The following PHLDB2 variants were observed in gnomAD, a reference collection of about 807,000 sequenced individuals.
PHLDB2 encodes the protein pleckstrin homology-like domain family B member 2.
A neutral mutation model predicts 123.6 loss-of-function variants in PHLDB2; 71 were observed. The observed-to-expected ratio is 0.57, with a 90% CI of 0.47 to 0.70. PHLDB2 has a LOEUF of 0.70. Ranked by LOEUF, PHLDB2 falls within the 30% of genes least tolerant of loss-of-function variation. The pLI, the probability that PHLDB2 is intolerant of heterozygous loss-of-function variation, is 0.00. For missense variants in PHLDB2, 1,446 were observed against 1,519.5 expected, an observed-to-expected ratio of 0.95 and a Z score of 0.80; for synonymous variants, 547 against 541.6, an observed-to-expected ratio of 1.01 and a Z score of -0.14.
intron 2 of PHLDB2, among the ~76,000 whole-genome samples, chr3:111,912,131 A>G (rs529138287): frequency 5.2e-4 from 79 of 152,290 alleles, no homozygotes; most frequent in Middle Eastern, 3.4e-3. Context: ...TTTTGTTTTT[A>G]GTTCTTTTTT....
intron 1 of PHLDB2, among the ~76,000 whole-genome samples, chr3:111,769,949 A>C (rs1032536884): frequency 3.9e-5 from 6 of 152,274 alleles, no homozygotes; most frequent in African/African-American, 1.2e-4. Context: ...TAGATAAATT[A>C]ACCCATAGAA....
chr3:111,967,837 A>G lies in PHLDB2; in HGVS notation c.3315+13A>G. 2 of 1,600,662 alleles carry G rather than the reference A, an allele frequency of 1.2e-6. No homozygotes were observed. The highest frequency in any genetic ancestry group is 1.8e-5 in the Admixed American group (1 of 56,936). On this transcript the variant is annotated intron_variant, in intron 15 of 17. Coordinates refer to ENST00000431670, the MANE Select transcript of PHLDB2 (RefSeq NM_001134438.2). Reference sequence around the variant, plus strand: ...ACAAAGGGCACAGGTTGGTCGGTCAATCTGAATGCATATGGGCAGGTTGCC... The same window carrying G: ...ACAAAGGGCACAGGTTGGTCGGTCAGTCTGAATGCATATGGGCAGGTTGCC...
chr3:111,811,052 A>G (rs2061815655), intron 1 of PHLDB2, among the ~76,000 whole-genome samples: 2 of 152,182 alleles, frequency 1.3e-5, no homozygotes, highest in African/African-American at 4.8e-5. Flanking sequence ...TAAACAGGAT[A>G]ATCTGTAAGC....
intron 8 of PHLDB2, among the ~76,000 whole-genome samples, chr3:111,942,299 C>T (rs934940499): frequency 1.3e-5 from 2 of 151,914 alleles, no homozygotes; most frequent in African/African-American, 4.8e-5. Flanking sequence ...AATCAAAATC[C>T]CAACAGACTT....
chr3:111,940,898 C>G (rs2069831105), intron 8 of PHLDB2, among the ~76,000 whole-genome samples: 1 of 152,118 alleles, frequency 6.6e-6, no homozygotes, highest in Admixed American at 6.5e-5. Flanking sequence ...GATGGAAAGT[C>G]TGTATTTTTA....
In PHLDB2 at chr3:111,966,722, T is replaced by A; in HGVS notation, c.3168+19T>A. The A allele has an allele frequency of 6.2e-7, 1 of 1,605,366 alleles. No individual in the cohort carries two copies. Among genetic ancestry groups the A allele is most frequent in the East Asian group, 2.2e-5 (1 of 44,640 alleles). On this transcript the variant is annotated intron_variant, in intron 14 of 17. Coordinates refer to ENST00000431670, the MANE Select transcript of PHLDB2 (RefSeq NM_001134438.2). ...ATCCAGGGTAAGCTTCATATTTTCA[T>A]GCCGGAGGTCTGTGATACCGTGGTG...
At chr3:111,741,902 T>C (rs1324818302) in intron 1 of PHLDB2, among the ~76,000 whole-genome samples, 2 of 152,222 alleles carry the variant, frequency 1.3e-5, no homozygotes, top group Non-Finnish European at 2.9e-5. Context: ...CTTCAGGTAA[T>C]TCTTAGCATG....
intron 10 of PHLDB2, 83 bp downstream of exon 10, chr3:111,949,158 C>T (rs977178096): frequency 6.8e-6 from 10 of 1,477,500 alleles, no homozygotes; most frequent in South Asian, 1.2e-5. Flanking sequence ...ATGAGGTCCA[C>T]GAGAACGTGC....
chr3:111,923,098 T>G (rs1265907956), intron 5 of PHLDB2, among the ~76,000 whole-genome samples: 1 of 152,214 alleles, frequency 6.6e-6, no homozygotes, highest in African/African-American at 2.4e-5. Flanking sequence ...GCTAAACTTA[T>G]TAAACAATTT....
chr3:111,905,572 G>A (rs1577051755), intron 2 of PHLDB2, among the ~76,000 whole-genome samples: 2 of 152,076 alleles, frequency 1.3e-5, no homozygotes, highest in African/African-American at 4.8e-5. Flanking sequence ...GGCCAGGCTG[G>A]TCTCGAACTC....
chr3:111,831,072 AAAG>A (rs1402778643), intron 1 of PHLDB2, among the ~76,000 whole-genome samples: 1 of 151,596 alleles, frequency 6.6e-6, no homozygotes, highest in Non-Finnish European at 1.5e-5. Flanking sequence ...GATAGAGAGA[AAAG>A]AAGGAAGAAA....
intron 2 of PHLDB2, among the ~76,000 whole-genome samples, chr3:111,904,575 G>T (rs1188724524): frequency 6.6e-6 from 1 of 152,030 alleles, no homozygotes; most frequent in Non-Finnish European, 1.5e-5. Flanking sequence ...CTTGGAGATT[G>T]GGAGTTTGGG....
chr3:111,793,558 C>T (rs1236938204), intron 1 of PHLDB2, among the ~76,000 whole-genome samples: 1 of 151,884 alleles, frequency 6.6e-6, no homozygotes, highest in Non-Finnish European at 1.5e-5. Context: ...TTACACTCTG[C>T]TCTCCTTTTT....
At chr3:111,941,453 A>G (rs1339204554) in intron 8 of PHLDB2, among the ~76,000 whole-genome samples, 1 of 152,208 alleles carries the variant, frequency 6.6e-6, no homozygotes, top group Non-Finnish European at 1.5e-5. Context: ...ATGAAGCTGT[A>G]CCATAGTCCC....
rs1453320744 is a variant in PHLDB2 at position 111,859,814 on chromosome 3, G to T, written c.-15+238G>T. 5.1e-6 allele frequency: 5 copies of T among 985,608 alleles called. No individual in the cohort carries two copies. The East Asian group carries it at 4.5e-4, about 90-fold the overall frequency. The allele number at this position is 985,608 out of a possible 1,614,324, so 61.1% of individuals were successfully genotyped here. A position where few individuals can be genotyped will look rare whatever the true frequency, so the allele number is the denominator to read the frequency against. On this transcript the variant is annotated intron_variant, in intron 1 of 17. Transcript: ENST00000431670. ...ACGGAGGGAGACAGGGTGGGCGGGG[G>T]CAAAGGCTAGGCGCTAGGGCGGCGG...
chr3:111,743,497 C>T (rs1425047921), intron 1 of PHLDB2, among the ~76,000 whole-genome samples: 1 of 152,132 alleles, frequency 6.6e-6, no homozygotes, highest in Non-Finnish European at 1.5e-5. Flanking sequence ...CTGGGAGCAA[C>T]TTTAAACAGG....
At chr3:111,848,674 C>A (rs1480855740) in intron 2 of PHLDB2, among the ~76,000 whole-genome samples, 2 of 152,184 alleles carry the variant, frequency 1.3e-5, no homozygotes, top group Non-Finnish European at 2.9e-5. Flanking sequence ...CATAATGTTT[C>A]AATCAATGAG....
intron 2 of PHLDB2, among the ~76,000 whole-genome samples, chr3:111,892,600 T>G (rs1349889719): frequency 1.3e-5 from 2 of 152,216 alleles, no homozygotes; most frequent in African/African-American, 4.8e-5. Context: ...GATATCTCAG[T>G]ATAAATGCAT....
At position 111,952,730 on chromosome 3, in the gene PHLDB2, C is replaced by T; in HGVS notation, c.2772+18C>T. Reference sequence around the variant, plus strand: ...CCCCAAAGGTAGGACCTGGGAGAAACCACGGGCTTCCCATTCCATGAGTCT... The same window carrying T: ...CCCCAAAGGTAGGACCTGGGAGAAATCACGGGCTTCCCATTCCATGAGTCT... On this transcript the variant is annotated intron_variant, in intron 11 of 17. Coordinates refer to ENST00000431670, the MANE Select transcript of PHLDB2 (RefSeq NM_001134438.2). 4 of 1,603,400 alleles carry T rather than the reference C, an allele frequency of 2.5e-6. No individual in the cohort carries two copies. Among genetic ancestry groups the T allele is most frequent in the Non-Finnish European group, 3.4e-6 (4 of 1,177,064 alleles).
Sources: allele counts gnomAD v4.1 joint callset (sites outside exome capture counted in the v4.1 genomes callset), GRCh38; gene constraint gnomAD v4.1.1; transcripts MANE v1.5; gene names NCBI Gene and HGNC (gene_info 2026-07-23, HGNC 2026-07-21).